The following FGGY variants were observed in gnomAD, a reference collection of about 807,000 sequenced individuals.
The protein encoded by FGGY is FGGY carbohydrate kinase domain containing.
Under a neutral mutation model 71.3 loss-of-function variants are expected in FGGY, and 72 were observed. The observed-to-expected ratio is 1.01, with a 90% CI of 0.84 to 1.23. The LOEUF is 1.23. Ranked by LOEUF, FGGY falls within the 50% of genes most tolerant of loss-of-function variation. FGGY has a pLI of 0.00. For missense variants in FGGY, 668 were observed against 682.3 expected, an observed-to-expected ratio of 0.98 and a Z score of 0.23; for synonymous variants, 251 against 250.3, an observed-to-expected ratio of 1.00 and a Z score of -0.02.
chr1:59,680,410 A>G (rs1382339911), intron 14 of FGGY, among the ~76,000 whole-genome samples: 1 of 150,692 alleles, frequency 6.6e-6, no homozygotes, highest in African/African-American at 2.4e-5. Flanking sequence ...TGGCCCTAAC[A>G]TTCATTATTC....
chr1:59,685,614 A>G (rs372712345), intron 14 of FGGY, among the ~76,000 whole-genome samples: 37 of 152,196 alleles, frequency 2.4e-4, no homozygotes, highest in South Asian at 6.2e-4. Flanking sequence ...CTAGAAAAGT[A>G]TTAGTATTAA....
intron 4 of FGGY, among the ~76,000 whole-genome samples, chr1:59,369,691 G>A (rs61788349): frequency 0.29 from 44,451 of 151,678 alleles, 6,627 homozygotes; most frequent in East Asian, 0.41. Flanking sequence ...CACCTCACAC[G>A]GCCGGATACT....
chr1:59,690,106 A>G (rs2097577646), intron 14 of FGGY, among the ~76,000 whole-genome samples: 1 of 152,240 alleles, frequency 6.6e-6, no homozygotes, highest in Admixed American at 6.5e-5. Flanking sequence ...AGAAATTTAT[A>G]GAAAATCCTA....
intron 5 of FGGY, among the ~76,000 whole-genome samples, chr1:59,419,401 T>C (rs2065033168): frequency 6.6e-6 from 1 of 152,220 alleles, no homozygotes. Flanking sequence ...ATAATTCTTA[T>C]CCTGACTAAC....
intron 3 of FGGY, 63 bp downstream of exon 3, chr1:59,340,132 C>T (rs1455628129): frequency 3.5e-6 from 4 of 1,129,012 alleles, no homozygotes; most frequent in Admixed American, 4.5e-5. Context: ...CCAATGGGCC[C>T]AGGTGGAACA....
At chr1:59,710,541 C>G (rs1226679470) in intron 14 of FGGY, among the ~76,000 whole-genome samples, 1 of 152,170 alleles carries the variant, frequency 6.6e-6, no homozygotes, top group African/African-American at 2.4e-5. Flanking sequence ...TTTTTGCAAT[C>G]TATCCATCTG....
intron 6 of FGGY, among the ~76,000 whole-genome samples, chr1:59,500,626 A>G (rs2094193191): frequency 6.8e-6 from 1 of 147,390 alleles, no homozygotes; most frequent in Non-Finnish European, 1.5e-5. Flanking sequence ...CTGACTTCTA[A>G]GATCACACTC....
intron 5 of FGGY, among the ~76,000 whole-genome samples, chr1:59,440,648 C>T (rs1352134690): frequency 6.8e-6 from 1 of 147,008 alleles, no homozygotes; most frequent in Non-Finnish European, 1.5e-5. Flanking sequence ...TAGAATGTAC[C>T]ATCCTTGCAT....
At chr1:59,665,648 C>A (rs1336082453) in intron 12 of FGGY, among the ~76,000 whole-genome samples, 1 of 151,970 alleles carries the variant, frequency 6.6e-6, no homozygotes, top group Non-Finnish European at 1.5e-5. Flanking sequence ...GAGGTCAGGG[C>A]AGCATCCTGC....
At chr1:59,581,418 T>C (rs1052736528) in intron 8 of FGGY, among the ~76,000 whole-genome samples, 1 of 149,936 alleles carries the variant, frequency 6.7e-6, no homozygotes, top group African/African-American at 2.5e-5. Context: ...TTAGAAGCTA[T>C]TGGTCACCAG....
At chr1:59,436,001 G>T (rs1256449645) in intron 5 of FGGY, among the ~76,000 whole-genome samples, 1 of 152,132 alleles carries the variant, frequency 6.6e-6, no homozygotes, top group African/African-American at 2.4e-5. Context: ...TGTCACATTG[G>T]TGAGAAGTGG....
intron 7 of FGGY, among the ~76,000 whole-genome samples, chr1:59,545,717 C>T (rs1357934176): frequency 2.0e-5 from 3 of 152,164 alleles, no homozygotes; most frequent in Non-Finnish European, 4.4e-5. Context: ...TCTCTCCACT[C>T]CTCGCAATAC....
intron 4 of FGGY, among the ~76,000 whole-genome samples, chr1:59,360,930 A>T (rs1423552442): frequency 6.6e-6 from 1 of 152,160 alleles, no homozygotes; most frequent in African/African-American, 2.4e-5. Context: ...GGCCCAGCTC[A>T]GATCTAACTC....
At chr1:59,706,054 GGA>G (rs1281458382) in intron 14 of FGGY, among the ~76,000 whole-genome samples, 4 of 152,196 alleles carry the variant, frequency 2.6e-5, no homozygotes, top group African/African-American at 7.2e-5. Context: ...TTAGGAGGAG[GGA>G]AGCCAGGGCT....
chr1:59,618,892 C>T (rs1230014795), intron 9 of FGGY, among the ~76,000 whole-genome samples: 2 of 152,086 alleles, frequency 1.3e-5, no homozygotes, highest in South Asian at 2.1e-4. Context: ...CAGCATTTCA[C>T]ATCCACTAAT....
intron 1 of FGGY, chr1:59,310,262 T>C (rs1203336336): frequency 6.6e-6 from 1 of 152,166 alleles, no homozygotes; most frequent in Non-Finnish European, 1.5e-5. Context: ...GATAATAGCA[T>C]TGCTTTGAAG....
At chr1:59,688,272 C>T (rs1288034912) in intron 14 of FGGY, among the ~76,000 whole-genome samples, 1 of 152,164 alleles carries the variant, frequency 6.6e-6, no homozygotes, top group African/African-American at 2.4e-5. Flanking sequence ...TGATTATTCT[C>T]ACATGAAAAA....
At position 59,527,094 on chromosome 1, in the gene FGGY, G is replaced by A. The variant is rs923619367; in HGVS notation, c.799+14655G>A. Among the ~76,000 whole-genome samples the A allele has an allele frequency of 3.9e-5, 6 of 152,190 alleles. No individual in the cohort carries two copies. In the East Asian group the frequency reaches 7.7e-4, roughly 20 times the overall value. ...TAGCTTTCTCAGCACTGATTTTGAT[G>A]TGAAAAATATCTGGAATATTCTTCG... is the stretch of plus-strand genomic sequence containing the variant. On this transcript the variant is annotated intron_variant, in intron 7 of 15. Transcript: ENST00000303721.
At chr1:59,395,733 T>G (rs535769490) in intron 5 of FGGY, among the ~76,000 whole-genome samples, 11 of 152,304 alleles carry the variant, frequency 7.2e-5, no homozygotes, top group African/African-American at 2.6e-4. Flanking sequence ...AATTATCATC[T>G]GTTTTCTACA....
Sources: allele counts gnomAD v4.1 joint callset (sites outside exome capture counted in the v4.1 genomes callset), GRCh38; gene constraint gnomAD v4.1.1; transcripts MANE v1.5; gene names NCBI Gene and HGNC (gene_info 2026-07-23, HGNC 2026-07-21).